OR1J2: variants seen among roughly 807,000 people sequenced by gnomAD.
The protein encoded by OR1J2 is olfactory receptor family 1 subfamily J member 2, also known as olfactory receptor 1J2.
For missense variants in OR1J2, 304 were observed against 246.1 expected, an observed-to-expected ratio of 1.24 and a Z score of -1.57; for synonymous variants, 142 against 99.7, an observed-to-expected ratio of 1.42 and a Z score of -2.52.
chr9:122,566,501 T>C, the OR1J2 span, among the ~76,000 whole-genome samples: 1 of 151,896 alleles, frequency 6.6e-6, no homozygotes, highest in South Asian at 2.1e-4. Flanking sequence ...TTAATTTTCT[T>C]ACTTAATGGC....
chr9:122,490,039 C>A, the OR1J2 span, among the ~76,000 whole-genome samples: 1 of 152,206 alleles, frequency 6.6e-6, no homozygotes, highest in Non-Finnish European at 1.5e-5. Flanking sequence ...TGCAACACAA[C>A]AGTGCACGGC....
chr9:122,553,078 G>A, the OR1J2 span: 1 of 855,202 alleles, frequency 1.2e-6, no homozygotes, highest in African/African-American at 2.2e-5. Context: ...TATTGGCAAA[G>A]ACCATTTATT....
At chr9:122,567,523 T>TA in the OR1J2 span, 3 of 1,499,732 alleles carry the variant, frequency 2.0e-6, no homozygotes, top group Non-Finnish European at 2.7e-6. Flanking sequence ...AGATTCCACT[T>TA]ACGAGTTTTT....
the OR1J2 span, chr9:122,567,018 G>C: frequency 6.6e-6 from 1 of 151,964 alleles, no homozygotes; most frequent in Non-Finnish European, 1.5e-5. Flanking sequence ...AGATAAAAAA[G>C]TAAAAGCTTA....
the OR1J2 span, among the ~76,000 whole-genome samples, chr9:122,546,458 C>T: frequency 2.6e-5 from 4 of 152,158 alleles, no homozygotes; most frequent in African/African-American, 4.8e-5. Context: ...TTTGCTCGCA[C>T]GGTGCTTGCT....
chr9:122,570,207 G>T, the OR1J2 span, among the ~76,000 whole-genome samples: 1,009 of 150,556 alleles, frequency 6.7e-3, 7 homozygotes, highest in Non-Finnish European at 0.011. Flanking sequence ...TAATGGGATG[G>T]CTGGGTCAAA....
the OR1J2 span, among the ~76,000 whole-genome samples, chr9:122,474,912 C>A: frequency 1.3e-5 from 2 of 152,238 alleles, no homozygotes; most frequent in African/African-American, 2.4e-5. Context: ...GTCTAAGCAG[C>A]TGACACGAAC....
the OR1J2 span, among the ~76,000 whole-genome samples, chr9:122,580,302 A>T: frequency 1.3e-5 from 2 of 151,642 alleles, no homozygotes; most frequent in Non-Finnish European, 2.9e-5. Context: ...CTCTAACTGT[A>T]AAGAATTCTA....
chr9:122,456,573 C>T, the OR1J2 span, among the ~76,000 whole-genome samples: 8 of 152,074 alleles, frequency 5.3e-5, no homozygotes, highest in Non-Finnish European at 1.2e-4. Context: ...TTAGGGAACA[C>T]ACACACGAAA....
the OR1J2 span, among the ~76,000 whole-genome samples, chr9:122,560,524 G>A: frequency 6.6e-6 from 1 of 152,138 alleles, no homozygotes; most frequent in African/African-American, 2.4e-5. Flanking sequence ...CAGGCCTGGT[G>A]GTGACAAAAT....
chr9:122,563,477 G>A, the OR1J2 span, among the ~76,000 whole-genome samples: 1 of 151,836 alleles, frequency 6.6e-6, no homozygotes, highest in Non-Finnish European at 1.5e-5. Flanking sequence ...TGTTGTTATC[G>A]AGACATTTGA....
the OR1J2 span, chr9:122,553,278 T>C: frequency 0.5 from 806,225 of 1,612,454 alleles, 203,674 homozygotes; most frequent in East Asian, 0.62. Context: ...ACTCTCTGAG[T>C]GGCCAGAGGA....
the OR1J2 span, among the ~76,000 whole-genome samples, chr9:122,453,617 C>T: frequency 6.6e-6 from 1 of 152,218 alleles, no homozygotes; most frequent in Non-Finnish European, 1.5e-5. Context: ...ATCCCAAAGG[C>T]TTCCCATAAT....
the OR1J2 span, among the ~76,000 whole-genome samples, chr9:122,517,574 A>C: frequency 6.6e-6 from 1 of 151,462 alleles, no homozygotes; most frequent in Non-Finnish European, 1.5e-5. Flanking sequence ...TTTACTTAGT[A>C]TACGTTGGTA....
the OR1J2 span, among the ~76,000 whole-genome samples, chr9:122,464,961 G>A: frequency 6.6e-6 from 1 of 152,014 alleles, no homozygotes; most frequent in Non-Finnish European, 1.5e-5. Context: ...TGACTTGTTT[G>A]TGTATGCTTA....
rs777157510 is a variant in OR1J2 at position 122,511,615 on chromosome 9, G to T, written c.814G>T (p.Val272Phe). The T allele has an allele frequency of 1.3e-6, 1 of 781,054 alleles. No homozygotes were observed. Among genetic ancestry groups the T allele is most frequent in the Admixed American group, 1.7e-5 (1 of 59,040 alleles). The allele number at this position is 781,054 out of a possible 1,614,324, so 48.4% of individuals were successfully genotyped here. A position where few individuals can be genotyped will look rare whatever the true frequency, so the allele number is the denominator to read the frequency against. ...PTVSSSIDKDVIVALMYTVVT... is the reference protein window; with the variant it reads ...PTVSSSIDKDFIVALMYTVVT... ...TGTAAGCAGTTCTATTGACAAGGAT[G>T]TCATTGTGGCTCTCATGTACACGGT... Residue 272 changes from valine to phenylalanine, a missense_variant, in exon 1 of 1, where the codon GTC becomes TTC. Val to Phe is a conservative substitution (Grantham distance 50, BLOSUM62 -1). Coordinates refer to ENST00000335302, the MANE Select transcript of OR1J2 (RefSeq NM_054107.1).
chr9:122,469,527 A>G, the OR1J2 span, among the ~76,000 whole-genome samples: 2 of 152,196 alleles, frequency 1.3e-5, no homozygotes, highest in Admixed American at 6.5e-5. Flanking sequence ...TATCAGCTGC[A>G]TGAAAATGGA....
rs771973843 is a variant in OR1J2 at position 122,511,187 on chromosome 9, C to T, written c.386C>T (p.Pro129Leu). 6 of 719,828 alleles carry T rather than the reference C, an allele frequency of 8.3e-6. No individual in the cohort carries two copies. In the Admixed American group the frequency reaches 1.2e-4, roughly 14 times the overall value. 44.6% of individuals were successfully genotyped at this position (719,828 alleles called of 1,614,324 possible). ...GACCGATATGTTGCCATATGTCACCCTCTCCACTACACTGTCATCATGAGG... is the reference window on the plus strand; with the variant it reads ...GACCGATATGTTGCCATATGTCACCTTCTCCACTACACTGTCATCATGAGG... ...AYDRYVAICH[P>L]LHYTVIMREE... Residue 129 changes from proline (P) to leucine (L), a missense_variant, in exon 1 of 1, where the codon CCT becomes CTT. Physicochemically the swap from Pro to Leu is moderately conservative, Grantham distance 98 (BLOSUM62 -3). Transcript: ENST00000335302.
upstream of OR1J2, among the ~76,000 whole-genome samples, chr9:122,510,274 G>A (rs185167076): frequency 9.2e-5 from 14 of 152,182 alleles, no homozygotes; most frequent in Admixed American, 7.2e-4. Context: ...TGGAATACTC[G>A]CCACATTAAC....
Sources: gnomAD v4.1 joint callset for allele counts (sites outside exome capture counted in the v4.1 genomes callset) on GRCh38, gnomAD v4.1.1 for gene constraint, MANE v1.5 for transcripts, NCBI Gene and HGNC (gene_info 2026-07-23, HGNC 2026-07-21) for gene names.